The following ZBTB20 variants were observed in gnomAD, a reference collection of about 807,000 sequenced individuals.
ZBTB20 encodes zinc finger and BTB domain containing 20.
Under a neutral mutation model 56.9 loss-of-function variants are expected in ZBTB20, and 9 were observed. That is an observed-to-expected ratio of 0.16 (90% confidence interval 0.10 to 0.28). The LOEUF is 0.28. Ranked by LOEUF, ZBTB20 falls within the 10% of genes least tolerant of loss-of-function variation. The pLI, the probability that ZBTB20 is intolerant of heterozygous loss-of-function variation, is 1.00. For missense variants in ZBTB20, 655 were observed against 1,003.0 expected (o/e 0.65, Z 4.69); for synonymous variants, 417 against 420.7 (o/e 0.99, Z 0.11).
intron 4 of ZBTB20, among the ~76,000 whole-genome samples, chr3:114,884,116 G>C (rs1050470725): frequency 6.6e-6 from 1 of 150,420 alleles, no homozygotes; most frequent in African/African-American, 2.4e-5. Flanking sequence ...TAGTAGAGAC[G>C]GGGTTTCACC....
At chr3:114,794,708 T>C (rs1249483513) in intron 5 of ZBTB20, among the ~76,000 whole-genome samples, 1 of 152,026 alleles carries the variant, frequency 6.6e-6, no homozygotes, top group Non-Finnish European at 1.5e-5. Flanking sequence ...TTTCCATCAC[T>C]TTGCAAACAA....
chr3:114,880,544 A>G (rs1311049279), intron 4 of ZBTB20, among the ~76,000 whole-genome samples: 2 of 152,206 alleles, frequency 1.3e-5, no homozygotes, highest in Non-Finnish European at 2.9e-5. Flanking sequence ...TAAAATACAT[A>G]TATCTTTGAT....
chr3:114,505,772 G>A (rs1559883404), intron 6 of ZBTB20, among the ~76,000 whole-genome samples: 1 of 152,092 alleles, frequency 6.6e-6, no homozygotes, highest in East Asian at 1.9e-4. Flanking sequence ...TGTTTTCAAA[G>A]GATGAGGCAC....
chr3:114,585,695 A>G (rs2055111161), intron 6 of ZBTB20, among the ~76,000 whole-genome samples: 1 of 152,170 alleles, frequency 6.6e-6, no homozygotes, highest in East Asian at 1.9e-4. Flanking sequence ...GGGCAACCAC[A>G]CTGGTTTCTC....
At chr3:114,875,795 A>G (rs377362770) in intron 4 of ZBTB20, among the ~76,000 whole-genome samples, 1 of 152,204 alleles carries the variant, frequency 6.6e-6, no homozygotes, top group Admixed American at 6.5e-5. Flanking sequence ...TGCTACCTCA[A>G]TAACTGTAAT....
At chr3:115,020,407 G>A (rs1560498716) in intron 2 of ZBTB20, among the ~76,000 whole-genome samples, 1 of 151,008 alleles carries the variant, frequency 6.6e-6, no homozygotes, top group East Asian at 1.9e-4. Context: ...AAAGGTTTCA[G>A]ATCTTTGCAA....
intron 3 of ZBTB20, among the ~76,000 whole-genome samples, chr3:114,926,283 T>C (rs2076154734): frequency 6.6e-6 from 1 of 152,220 alleles, no homozygotes; most frequent in South Asian, 2.1e-4. Flanking sequence ...ATTTGCTTAA[T>C]ACAAAGTTTG....
chr3:114,939,204 G>A (rs1039322175), intron 3 of ZBTB20, among the ~76,000 whole-genome samples: 1 of 145,912 alleles, frequency 6.9e-6, no homozygotes, highest in Non-Finnish European at 1.5e-5. Context: ...TCTATCTCAA[G>A]GAAGCAATCT....
chr3:114,819,184 T>C (rs758542200), intron 4 of ZBTB20, among the ~76,000 whole-genome samples: 7 of 151,896 alleles, frequency 4.6e-5, no homozygotes, highest in Non-Finnish European at 8.8e-5. Flanking sequence ...ATGAAGGAAT[T>C]TGGGGATCTA....
At chr3:114,665,600 C>A (rs766302894) in intron 6 of ZBTB20, among the ~76,000 whole-genome samples, 3 of 151,968 alleles carry the variant, frequency 2.0e-5, no homozygotes, top group Non-Finnish European at 4.4e-5. Flanking sequence ...TTATATTAAA[C>A]CCTCTGCAAT....
chr3:115,074,955 G>A (rs921465969), intron 1 of ZBTB20, among the ~76,000 whole-genome samples: 7 of 151,842 alleles, frequency 4.6e-5, no homozygotes, highest in African/African-American at 7.3e-5. Flanking sequence ...GAATCTCCCC[G>A]ATCCCAACTG....
intron 2 of ZBTB20, among the ~76,000 whole-genome samples, chr3:115,060,775 C>T (rs925178151): frequency 1.3e-5 from 2 of 152,034 alleles, no homozygotes; most frequent in African/African-American, 2.4e-5. Context: ...CATATGTTTG[C>T]AAAATTTTCT....
intron 1 of ZBTB20, among the ~76,000 whole-genome samples, chr3:115,104,798 A>C (rs928086332): frequency 6.6e-6 from 1 of 152,204 alleles, no homozygotes; most frequent in Non-Finnish European, 1.5e-5. Context: ...GATGTCATAC[A>C]TTTGTTCAGA....
chr3:114,965,674 T>C (rs771740441), intron 3 of ZBTB20, among the ~76,000 whole-genome samples: 3 of 152,154 alleles, frequency 2.0e-5, no homozygotes, highest in South Asian at 2.1e-4. Context: ...TATTCCTCCA[T>C]TGATGGTCAC....
chr3:114,498,559 G>A (rs1301808918), intron 7 of ZBTB20, among the ~76,000 whole-genome samples: 3 of 152,220 alleles, frequency 2.0e-5, no homozygotes, highest in Non-Finnish European at 4.4e-5. Flanking sequence ...TCATAAGCCC[G>A]GTCACCCTGC....
At chr3:115,128,675 AAAAG>A (rs976538529) in intron 1 of ZBTB20, among the ~76,000 whole-genome samples, 8 of 141,796 alleles carry the variant, frequency 5.6e-5, no homozygotes, top group Non-Finnish European at 1.2e-4. Flanking sequence ...AAAAAAAAAG[AAAAG>A]AAAAGAAAAG....
At chr3:114,625,186 T>C (rs1338983893) in intron 6 of ZBTB20, among the ~76,000 whole-genome samples, 2 of 151,552 alleles carry the variant, frequency 1.3e-5, no homozygotes, top group Non-Finnish European at 2.9e-5. Flanking sequence ...TCATCAGCTC[T>C]GGGGTGAAGA....
chr3:115,118,980 A>G (rs1188002708), intron 1 of ZBTB20, among the ~76,000 whole-genome samples: 1 of 152,150 alleles, frequency 6.6e-6, no homozygotes, highest in African/African-American at 2.4e-5. Flanking sequence ...TTCTTTAGTA[A>G]CACATTAAAT....
intron 6 of ZBTB20, among the ~76,000 whole-genome samples, chr3:114,677,544 A>G (rs2061700352): frequency 6.6e-6 from 1 of 152,192 alleles, no homozygotes; most frequent in Non-Finnish European, 1.5e-5. Context: ...GAGGTGGAAC[A>G]GTTTCATCCT....
Sources: allele counts gnomAD v4.1 joint callset (sites outside exome capture counted in the v4.1 genomes callset), GRCh38; gene constraint gnomAD v4.1.1; transcripts MANE v1.5; gene names NCBI Gene and HGNC (gene_info 2026-07-23, HGNC 2026-07-21).